The following SLC24A2 variants were observed in gnomAD, a reference collection of about 807,000 sequenced individuals.
The protein encoded by SLC24A2 is solute carrier family 24 member 2.
A neutral mutation model predicts 62.0 loss-of-function variants in SLC24A2; 36 were observed. The observed-to-expected ratio is 0.58, with a 90% CI of 0.44 to 0.77. The LOEUF is 0.77. Among genes scored for constraint, SLC24A2 ranks in the 30% least tolerant of loss-of-function variants. SLC24A2 has a pLI of 0.00. For missense variants in SLC24A2, 846 were observed against 817.9 expected (o/e 1.03, Z -0.42); for synonymous variants, 358 against 294.0 (o/e 1.22, Z -2.23).
At chr9:19,888,265 G>T in the SLC24A2 span, among the ~76,000 whole-genome samples, 2 of 152,040 alleles carry the variant, frequency 1.3e-5, no homozygotes, top group Non-Finnish European at 2.9e-5. Context: ...TTTCTTTTAA[G>T]TCCATTCCTA....
the SLC24A2 span, among the ~76,000 whole-genome samples, chr9:20,287,110 G>A: frequency 1.6e-4 from 25 of 152,236 alleles, no homozygotes; most frequent in Admixed American, 5.2e-4. Flanking sequence ...TGCATTCCGG[G>A]AAACATTGTT....
At chr9:20,165,607 A>G in the SLC24A2 span, among the ~76,000 whole-genome samples, 1 of 152,000 alleles carries the variant, frequency 6.6e-6, no homozygotes, top group South Asian at 2.1e-4. Context: ...AAAAAATACA[A>G]CCATTGCCCC....
At chr9:19,830,244 A>G in the SLC24A2 span, among the ~76,000 whole-genome samples, 6 of 152,342 alleles carry the variant, frequency 3.9e-5, no homozygotes, top group Middle Eastern at 3.4e-3. Context: ...GTTTTGTTTC[A>G]CATATGTCAG....
chr9:19,936,113 A>G, the SLC24A2 span, among the ~76,000 whole-genome samples: 14 of 152,218 alleles, frequency 9.2e-5, no homozygotes, highest in East Asian at 1.2e-3. Flanking sequence ...GGCTGCCACC[A>G]TAATAAACCT....
the SLC24A2 span, among the ~76,000 whole-genome samples, chr9:20,141,196 T>C: frequency 2.0e-5 from 3 of 152,124 alleles, no homozygotes; most frequent in Non-Finnish European, 4.4e-5. Flanking sequence ...TAATTAAGAA[T>C]GAATACAGCA....
At chr9:19,864,590 C>T in the SLC24A2 span, among the ~76,000 whole-genome samples, 1 of 151,954 alleles carries the variant, frequency 6.6e-6, no homozygotes, top group Non-Finnish European at 1.5e-5. Flanking sequence ...GGACAAAAAC[C>T]ATATGTTCAT....
intron 10 of SLC24A2, among the ~76,000 whole-genome samples, chr9:19,520,632 C>G (rs76929631): frequency 0.024 from 3,597 of 152,048 alleles, 152 homozygotes; most frequent in African/African-American, 0.083. Context: ...AAGTGAAATT[C>G]TAAAGTATTT....
chr9:19,710,783 C>G (rs777456875), intron 2 of SLC24A2, among the ~76,000 whole-genome samples: 1 of 151,918 alleles, frequency 6.6e-6, no homozygotes, highest in African/African-American at 2.4e-5. Context: ...GGCCACAGGT[C>G]GAGAAAGACT....
intron 4 of SLC24A2, among the ~76,000 whole-genome samples, chr9:19,604,617 G>A (rs1014866652): frequency 6.6e-6 from 1 of 151,878 alleles, no homozygotes; most frequent in Admixed American, 6.6e-5. Context: ...AGGGAGGAGA[G>A]GAAAACCAGT....
chr9:20,206,316 T>G, the SLC24A2 span, among the ~76,000 whole-genome samples: 1 of 151,986 alleles, frequency 6.6e-6, no homozygotes, highest in African/African-American at 2.4e-5. Flanking sequence ...TACAGGAGAG[T>G]GAATGCAGAA....
Position 19,516,057 on chromosome 9 carries a change from G to A in SLC24A2, c.*96C>T. ...GGAGGGACACTTGGCACCCAGGGCT[G>A]TGTGCCAGCTGCCTCTTCTCAAGAG... On this transcript the variant is annotated 3_prime_UTR_variant, in exon 11 of 11. Coordinates refer to ENST00000341998, the MANE Select transcript of SLC24A2 (RefSeq NM_020344.4). 11 of 1,482,396 alleles carry A rather than the reference G, an allele frequency of 7.4e-6. No homozygotes were observed. The South Asian group carries it at 1.3e-4, about 17-fold the overall frequency. The allele number at this position is 1,482,396 out of a possible 1,614,324, so 91.8% of individuals were successfully genotyped here. A position where few individuals can be genotyped will look rare whatever the true frequency, so the allele number is the denominator to read the frequency against.
intron 2 of SLC24A2, among the ~76,000 whole-genome samples, chr9:19,683,569 A>T (rs903214234): frequency 6.6e-6 from 1 of 151,800 alleles, no homozygotes; most frequent in Admixed American, 6.6e-5. Context: ...AAGAAACATA[A>T]ATTTATTTTT....
At chr9:20,158,729 C>T in the SLC24A2 span, among the ~76,000 whole-genome samples, 1 of 151,364 alleles carries the variant, frequency 6.6e-6, no homozygotes, top group Non-Finnish European at 1.5e-5. Context: ...ACAGAGAAAA[C>T]AAGGCAAAGA....
the SLC24A2 span, among the ~76,000 whole-genome samples, chr9:19,843,262 G>A: frequency 1.3e-5 from 2 of 152,200 alleles, no homozygotes; most frequent in Non-Finnish European, 2.9e-5. Context: ...AACACTTTGG[G>A]AGGCCAAGGT....
At chr9:20,176,676 G>C in the SLC24A2 span, among the ~76,000 whole-genome samples, 1 of 152,096 alleles carries the variant, frequency 6.6e-6, no homozygotes, top group Non-Finnish European at 1.5e-5. Context: ...AAATGAGGAA[G>C]TTAGACATTG....
chr9:20,205,640 G>C, the SLC24A2 span, among the ~76,000 whole-genome samples: 1 of 107,948 alleles, frequency 9.3e-6, no homozygotes, highest in South Asian at 3.4e-4. Context: ...AACAGAGTGA[G>C]ACTCCATCTA....
chr9:19,977,353 A>G, the SLC24A2 span, among the ~76,000 whole-genome samples: 50 of 152,224 alleles, frequency 3.3e-4, no homozygotes, highest in African/African-American at 1.2e-3. Flanking sequence ...AATATATTAG[A>G]GTGGGTGGCT....
At chr9:19,683,413 G>A (rs973468369) in intron 2 of SLC24A2, among the ~76,000 whole-genome samples, 1 of 152,070 alleles carries the variant, frequency 6.6e-6, no homozygotes, top group African/African-American at 2.4e-5. Flanking sequence ...GGAGCTCATT[G>A]TCTTTATGGA....
At chr9:20,224,666 G>C in the SLC24A2 span, among the ~76,000 whole-genome samples, 15 of 151,860 alleles carry the variant, frequency 9.9e-5, no homozygotes, top group Admixed American at 7.9e-4. Flanking sequence ...GAAGAGAAGA[G>C]GGGAGGGGAG....
Sources: gnomAD v4.1 joint callset for allele counts (sites outside exome capture counted in the v4.1 genomes callset) on GRCh38, gnomAD v4.1.1 for gene constraint, MANE v1.5 for transcripts, NCBI Gene and HGNC (gene_info 2026-07-23, HGNC 2026-07-21) for gene names.